Variants in VTI1A observed in about 807,000 individuals in gnomAD.
VTI1A encodes the protein vesicle transport through interaction with t-SNAREs homolog 1A.
Under a neutral mutation model 34.9 loss-of-function variants are expected in VTI1A, and 22 were observed. That is an observed-to-expected ratio of 0.63 (90% CI 0.45 to 0.90). The LOEUF (loss-of-function observed/expected upper bound fraction) is 0.90. Among genes scored for constraint, VTI1A ranks in the 40% least tolerant of loss-of-function variants. VTI1A has a pLI of 0.00. For missense variants in VTI1A, 268 were observed against 275.6 expected, an observed-to-expected ratio of 0.97 and a Z score of 0.20; for synonymous variants, 87 against 97.3, an observed-to-expected ratio of 0.89 and a Z score of 0.62.
Position 112,816,497 on chromosome 10 carries a change from A to G in VTI1A, c.*1114A>G. On this transcript the variant is annotated 3_prime_UTR_variant, in exon 8 of 8. Coordinates refer to ENST00000393077, the MANE Select transcript of VTI1A (RefSeq NM_145206.4). ...ACAAATGTTAGCAAGCCTTTCTTGA[A>G]TTCACTATGTATTCAAACTTCTAAT... 2 of 223,670 alleles carry G rather than the reference A, an allele frequency of 8.9e-6. No individual in the cohort carries two copies. The highest frequency in any genetic ancestry group is 1.8e-5 in the Non-Finnish European group (2 of 112,054). 13.9% of individuals were successfully genotyped at this position (223,670 alleles called of 1,614,324 possible).
At chr10:112,513,687 T>C (rs910655315) in intron 3 of VTI1A, among the ~76,000 whole-genome samples, 1 of 150,642 alleles carries the variant, frequency 6.6e-6, no homozygotes, top group African/African-American at 2.4e-5. Context: ...ATTTATAGAC[T>C]TTATTGTGTT....
intron 5 of VTI1A, among the ~76,000 whole-genome samples, chr10:112,590,038 T>C (rs889735780): frequency 3.3e-5 from 5 of 152,136 alleles, no homozygotes; most frequent in African/African-American, 1.2e-4. Context: ...AGATTTCTCG[T>C]TTTCATGACA....
At chr10:112,761,156 C>T (rs749933261) in intron 7 of VTI1A, among the ~76,000 whole-genome samples, 23 of 152,208 alleles carry the variant, frequency 1.5e-4, no homozygotes, top group Non-Finnish European at 3.1e-4. Context: ...TGCTATTTAA[C>T]GAAGTGATTG....
intron 7 of VTI1A, among the ~76,000 whole-genome samples, chr10:112,742,949 A>G (rs1344368240): frequency 6.6e-6 from 1 of 152,062 alleles, no homozygotes; most frequent in African/African-American, 2.4e-5. Context: ...TGAACCTGAT[A>G]TATCCTGATT....
At chr10:112,718,703 C>T (rs1413955522) in intron 7 of VTI1A, among the ~76,000 whole-genome samples, 1 of 152,018 alleles carries the variant, frequency 6.6e-6, no homozygotes, top group Non-Finnish European at 1.5e-5. Context: ...TTGAATGCAC[C>T]AGTAATAATA....
intron 3 of VTI1A, among the ~76,000 whole-genome samples, chr10:112,518,541 ATCTCTTTC>A (rs1389749848): frequency 3.2e-5 from 3 of 95,064 alleles, no homozygotes; most frequent in East Asian, 3.2e-4. Flanking sequence ...GAGACCTCAT[ATCTCTTTC>A]TCTCTCTCTC....
intron 7 of VTI1A, among the ~76,000 whole-genome samples, chr10:112,806,388 C>G (rs929453940): frequency 6.6e-6 from 1 of 151,894 alleles, no homozygotes; most frequent in African/African-American, 2.4e-5. Flanking sequence ...CGGGTTCAAG[C>G]GATTCTCCTG....
Position 112,668,965 on chromosome 10 carries a change from A to G in VTI1A, c.527A>G (p.Lys176Arg). 6.2e-7 allele frequency: 1 copy of G among 1,612,546 alleles called. No homozygotes were observed. The highest frequency in any genetic ancestry group is 1.1e-5 in the South Asian group (1 of 91,022). Residue 176 changes from lysine (K) to arginine (R), a missense_variant, in exon 7 of 8, where the codon AAA becomes AGA. Lys to Arg is a conservative substitution (Grantham distance 26). Transcript: ENST00000393077. The part of the protein sequence containing the change: ...RLRETDANLG[K>R]SSRILTGMLR... ...CGGGAAACAGATGCTAATTTGGGAAAAAGCTCCAGGATTCTGACAGGGATG... is the reference window on the plus strand; with the variant it reads ...CGGGAAACAGATGCTAATTTGGGAAGAAGCTCCAGGATTCTGACAGGGATG...
intron 5 of VTI1A, among the ~76,000 whole-genome samples, chr10:112,659,752 A>G (rs1395869846): frequency 6.6e-6 from 1 of 152,250 alleles, no homozygotes; most frequent in Non-Finnish European, 1.5e-5. Flanking sequence ...TAGGCCCTGC[A>G]TGGTCTTTAG....
chr10:112,588,919 A>C (rs1334308947), intron 5 of VTI1A, among the ~76,000 whole-genome samples: 2 of 151,926 alleles, frequency 1.3e-5, no homozygotes, highest in African/African-American at 4.8e-5. Context: ...TGCAGAACAC[A>C]GTTCCTGGAA....
chr10:112,542,521 C>T (rs951386858), intron 5 of VTI1A, among the ~76,000 whole-genome samples: 1 of 152,136 alleles, frequency 6.6e-6, no homozygotes, highest in Non-Finnish European at 1.5e-5. Context: ...GATCTCTCCA[C>T]GACAGGGAGC....
At chr10:112,754,859 TA>T in intron 7 of VTI1A, among the ~76,000 whole-genome samples, 1 of 152,210 alleles carries the variant, frequency 6.6e-6, no homozygotes, top group Non-Finnish European at 1.5e-5. Context: ...ATGGAGACTA[TA>T]AAATATATTC....
chr10:112,766,830 G>A (rs1851664020), intron 7 of VTI1A, among the ~76,000 whole-genome samples: 1 of 152,214 alleles, frequency 6.6e-6, no homozygotes, highest in African/African-American at 2.4e-5. Flanking sequence ...AGTACTTTAA[G>A]AAGTTGTGAG....
At position 112,786,867 on chromosome 10, in the gene VTI1A, A is replaced by T. The variant is rs1488436815; in HGVS notation, c.561-28423A>T. On this transcript the variant is annotated intron_variant, in intron 7 of 7. Transcript: ENST00000393077. ...AATTTTGGTGTCTGTGTTTATGAAG[A>T]ATATTTCTTGTAATATTTTTGTTTA... 3.9e-5 allele frequency among the ~76,000 whole-genome samples: 6 copies of T among 152,174 alleles called. No homozygotes were observed. The South Asian group carries it at 1.2e-3, about 32-fold the overall frequency.
chr10:112,605,116 T>G (rs1385568780), intron 5 of VTI1A, among the ~76,000 whole-genome samples: 5 of 152,286 alleles, frequency 3.3e-5, no homozygotes, highest in Admixed American at 3.3e-4. Context: ...CAAACCAGAC[T>G]TTCCATCCTG....
the VTI1A span, among the ~76,000 whole-genome samples, chr10:112,852,253 G>T: frequency 2.0e-5 from 3 of 152,238 alleles, no homozygotes; most frequent in Non-Finnish European, 4.4e-5. Context: ...TGATTCCAAT[G>T]ATTCCTACAC....
chr10:112,581,634 A>C (rs1490904044), intron 5 of VTI1A, among the ~76,000 whole-genome samples: 2 of 152,188 alleles, frequency 1.3e-5, no homozygotes, highest in East Asian at 3.9e-4. Flanking sequence ...TATGATGATG[A>C]TGATGCAGAT....
chr10:112,537,494 A>C lies in VTI1A; in HGVS notation c.343-752A>C, dbSNP rs900501143. ...AGTTTAGAAGCTGAGGATTTGAAGA[A>C]AATCCTCTAATTTCCCCATCAGATA... On this transcript the variant is annotated intron_variant, in intron 4 of 7. Transcript: ENST00000393077. Among the ~76,000 whole-genome samples, 3 of 151,754 alleles carry C rather than the reference A, an allele frequency of 2.0e-5. No homozygotes were observed. The East Asian group carries it at 5.8e-4, about 30-fold the overall frequency.
chr10:112,690,291 A>G (rs1848569914), intron 7 of VTI1A, among the ~76,000 whole-genome samples: 1 of 152,198 alleles, frequency 6.6e-6, no homozygotes, highest in Non-Finnish European at 1.5e-5. Context: ...AGTAGGATTG[A>G]TGGGTCATAT....
Sources: gnomAD v4.1 joint callset for allele counts (sites outside exome capture counted in the v4.1 genomes callset) on GRCh38, gnomAD v4.1.1 for gene constraint, MANE v1.5 for transcripts, NCBI Gene and HGNC (gene_info 2026-07-23, HGNC 2026-07-21) for gene names.